Variants in GSX1 observed in about 807,000 individuals in gnomAD.
GSX1 encodes the protein GS homeo box protein 1.
Under a neutral mutation model 17.7 loss-of-function variants are expected in GSX1, and 13 were observed. The observed-to-expected ratio is 0.74, with a 90% confidence interval of 0.48 to 1.17. The LOEUF (loss-of-function observed/expected upper bound fraction) is 1.17. GSX1 is among the 50% of genes most tolerant of loss of function. The pLI is 0.00. For missense variants in GSX1, 371 were observed against 372.1 expected (o/e 1.00, Z 0.02); for synonymous variants, 202 against 176.2 (o/e 1.15, Z -1.16).
In GSX1 at chr13:27,792,606, G is replaced by C; in HGVS notation, c.-85G>C. The C allele has an allele frequency of 8.6e-7, 1 of 1,168,980 alleles. No homozygotes were observed. The highest frequency in any genetic ancestry group is 1.1e-6 in the Non-Finnish European group (1 of 902,228). The allele number at this position is 1,168,980 out of a possible 1,614,324, so 72.4% of individuals were successfully genotyped here. A position where few individuals can be genotyped will look rare whatever the true frequency, so the allele number is the denominator to read the frequency against. ...TGGGCAGAGGCAGCTGCGGGATACC[G>C]CGGCCAGGGAAAGCGCGTGGAGAGC... On this transcript the variant is annotated 5_prime_UTR_variant, in exon 1 of 2. Coordinates refer to ENST00000302945, the MANE Select transcript of GSX1 (RefSeq NM_145657.3).
At position 27,792,870 on chromosome 13, in the gene GSX1, C is replaced by G; in HGVS notation, c.180C>G (p.Leu60=). ...RKAGLLCVCP[L]CVTASQLHGP... ...CTGGGCTGCTGTGCGTGTGCCCGCT[C>G]TGCGTCACCGCCTCGCAGCTGCATG... Residue 60 remains leucine, a synonymous_variant, in exon 1 of 2, where the codon CTC becomes CTG. Coordinates refer to ENST00000302945, the MANE Select transcript of GSX1 (RefSeq NM_145657.3). 1 of 1,521,960 alleles carries G rather than the reference C, an allele frequency of 6.6e-7. No homozygotes were observed. The allele number at this position is 1,521,960 out of a possible 1,614,324, so 94.3% of individuals were successfully genotyped here. A position where few individuals can be genotyped will look rare whatever the true frequency, so the allele number is the denominator to read the frequency against.
Position 27,794,299 on chromosome 13 carries a change from C to T in GSX1, c.*351C>T. ...TCCTAGCCCGCCCTCTCTGGGCTGG[C>T]TTGGGCTTCCTCGCTTACTCTACTC... On this transcript the variant is annotated 3_prime_UTR_variant, in exon 2 of 2. Coordinates refer to ENST00000302945, the MANE Select transcript of GSX1 (RefSeq NM_145657.3). The T allele has an allele frequency of 4.4e-6, 1 of 227,726 alleles. No individual in the cohort carries two copies. Among genetic ancestry groups the T allele is most frequent in the Non-Finnish European group, 8.5e-6 (1 of 117,728 alleles). The allele number at this position is 227,726 out of a possible 1,614,324, so 14.1% of individuals were successfully genotyped here.
At position 27,793,808 on chromosome 13, in the gene GSX1, G is replaced by A. The variant is rs1489704566; in HGVS notation, c.655G>A (p.Ala219Thr). The A allele has an allele frequency of 1.2e-6, 2 of 1,613,592 alleles. No homozygotes were observed. Among genetic ancestry groups the A allele is most frequent in the Non-Finnish European group, 1.7e-6 (2 of 1,179,760 alleles). ...SNHRGGGGGG[A>T]GGGGSAPQGC... The stretch of plus-strand genomic sequence containing the variant: ...CCATCGTGGCGGCGGCGGCGGGGGT[G>A]CCGGTGGTGGCGGGAGCGCACCGCA... The change falls in exon 2 of 2, where the codon GCC becomes ACC. Residue 219 changes from alanine (A) to threonine (T), a missense_variant. By Grantham distance (58) the Ala-to-Thr change is moderately conservative. Around this residue, in one of 3 missense-constraint regions of GSX1, gnomAD observed 92 missense variants for 70.0 expected, o/e 1.31. Coordinates refer to ENST00000302945, the MANE Select transcript of GSX1 (RefSeq NM_145657.3). This position sits in a 1 kb window ranked among gnomAD's most constrained non-coding sequence, Gnocchi z 6.2.
Position 27,792,581 on chromosome 13 carries a change from TG to T in GSX1, c.-107del. ...GGTCTCAGCCGCGCGTTCAGCCTCC[TG>T]GGCAGAGGCAGCTGCGGGATACCGC... On this transcript the variant is annotated 5_prime_UTR_variant, in exon 1 of 2. Coordinates refer to ENST00000302945, the MANE Select transcript of GSX1 (RefSeq NM_145657.3). 1.0e-6 allele frequency: 1 copy of T among 956,892 alleles called. No individual in the cohort carries two copies. The highest frequency in any genetic ancestry group is 1.4e-6 in the Non-Finnish European group (1 of 708,222). 59.3% of individuals were successfully genotyped at this position (956,892 alleles called of 1,614,324 possible).
In GSX1 at chr13:27,792,739, G is replaced by A. The variant is rs915206138; in HGVS notation, c.49G>A (p.Glu17Lys). The A allele has an allele frequency of 6.1e-6, 9 of 1,481,490 alleles. No homozygotes were observed. In the Admixed American group the frequency reaches 1.6e-4, roughly 27 times the overall value. The allele number at this position is 1,481,490 out of a possible 1,614,324, so 91.8% of individuals were successfully genotyped here. Residue 17 changes from glutamate to lysine, a missense_variant, in exon 1 of 2, where the codon GAG becomes AAG. Physicochemically the swap from Glu to Lys is moderately conservative, Grantham distance 56 (BLOSUM62 1). Coordinates refer to ENST00000302945, the MANE Select transcript of GSX1 (RefSeq NM_145657.3). ...VDSLVLREAG[E>K]KKAPEGSPPP... ...CTCGCTAGTGCTGCGCGAGGCGGGC[G>A]AGAAGAAGGCGCCCGAGGGCAGCCC...
rs750711438 is a variant in GSX1 at position 27,792,954 on chromosome 13, G to A, written c.264G>A (p.Ser88=). 1.5e-5 allele frequency: 23 copies of A among 1,540,352 alleles called. No homozygotes were observed. The South Asian group carries it at 2.4e-4, about 16-fold the overall frequency. ...LLKASFPPFG[S]QYCHAPLGRQ... ...AGGCTTCCTTCCCACCCTTCGGCTC[G>A]CAGTACTGCCACGCGCCCCTGGGCC... The change falls in exon 1 of 2, where the codon TCG becomes TCA. Residue 88 remains serine, a synonymous_variant. Coordinates refer to ENST00000302945, the MANE Select transcript of GSX1 (RefSeq NM_145657.3).
At position 27,793,557 on chromosome 13, in the gene GSX1, C is replaced by G. The variant is rs1315180701; in HGVS notation, c.413-9C>G. On this transcript the variant is annotated splice_polypyrimidine_tract_variant and intron_variant, in intron 1 of 1. Coordinates refer to ENST00000302945, the MANE Select transcript of GSX1 (RefSeq NM_145657.3). This position sits in a 1 kb window ranked among gnomAD's most constrained non-coding sequence, Gnocchi z 6.2. ...CTGATCGCTTCCTTCTCTGCTCTGC[C>G]ACCTCCAGACAGCAGCTCTAACCAG... 6.2e-7 allele frequency: 1 copy of G among 1,604,218 alleles called. No individual in the cohort carries two copies. The highest frequency in any genetic ancestry group is 8.5e-7 in the Non-Finnish European group (1 of 1,176,050).
At position 27,793,805 on chromosome 13, in the gene GSX1, G is replaced by A. The variant is rs1287780745; in HGVS notation, c.652G>A (p.Gly218Ser). The change falls in exon 2 of 2, where the codon GGT (glycine) becomes AGT (serine). Residue 218 changes from glycine (G) to serine (S), a missense_variant. By Grantham distance (56) the Gly-to-Ser change is moderately conservative. Coordinates refer to ENST00000302945, the MANE Select transcript of GSX1 (RefSeq NM_145657.3). This position sits in a 1 kb window ranked among gnomAD's most constrained non-coding sequence, Gnocchi z 6.2. ...GSNHRGGGGG[G>S]AGGGGSAPQG... is the part of the protein sequence containing the mutation. ...CAACCATCGTGGCGGCGGCGGCGGG[G>A]GTGCCGGTGGTGGCGGGAGCGCACC... 9.9e-6 allele frequency: 16 copies of A among 1,613,534 alleles called. No homozygotes were observed. Among genetic ancestry groups the A allele is most frequent in the Non-Finnish European group, 1.4e-5 (16 of 1,179,784 alleles).
Position 27,792,759 on chromosome 13 carries a change from C to T in GSX1, c.69C>T (p.Gly23=). Residue 23 remains glycine, a synonymous_variant, in exon 1 of 2, where the codon GGC becomes GGT. Coordinates refer to ENST00000302945, the MANE Select transcript of GSX1 (RefSeq NM_145657.3). ...REAGEKKAPE[G]SPPPLFPYAV... ...CGGGCGAGAAGAAGGCGCCCGAGGG[C>T]AGCCCGCCGCCGCTCTTCCCCTACG... 1 of 1,486,316 alleles carries T rather than the reference C, an allele frequency of 6.7e-7. No individual in the cohort carries two copies. The allele number at this position is 1,486,316 out of a possible 1,614,324, so 92.1% of individuals were successfully genotyped here.
chr13:27,793,008 C>G lies in GSX1; in HGVS notation c.318C>G (p.Val106=). 1 of 1,573,954 alleles carries G rather than the reference C, an allele frequency of 6.4e-7. No homozygotes were observed. ...AGCACTCTGCTGTGTCGCCCGGGGT[C>G]GCTCACGGCCCGGCCGCCGCTGCTG... ...GRQHSAVSPG[V]AHGPAAAAAA... The change falls in exon 1 of 2, where the codon GTC becomes GTG. Residue 106 remains valine, a synonymous_variant. Coordinates refer to ENST00000302945, the MANE Select transcript of GSX1 (RefSeq NM_145657.3). This position sits in a 1 kb window ranked among gnomAD's most constrained non-coding sequence, Gnocchi z 6.2.
rs1462767030 is a variant in GSX1, at chr13:27,792,948, C to G, written c.258C>G (p.Phe86Leu). 6.5e-7 allele frequency: 1 copy of G among 1,538,300 alleles called. No individual in the cohort carries two copies. The highest frequency in any genetic ancestry group is 8.7e-7 in the Non-Finnish European group (1 of 1,147,382). ...TACTCAAGGCTTCCTTCCCACCCTT[C>G]GGCTCGCAGTACTGCCACGCGCCCC... ...LPLLKASFPPFGSQYCHAPLG... is the reference protein window; with the variant it reads ...LPLLKASFPPLGSQYCHAPLG... The change falls in exon 1 of 2, where the codon TTC becomes TTG. Residue 86 changes from phenylalanine to leucine, a missense_variant. This residue lies in a region of GSX1 where 212 missense variants were observed against 193.9 expected (regional missense o/e 1.09). Transcript: ENST00000302945.
rs1011681545 is a variant in GSX1 at position 27,794,112 on chromosome 13, G to T, written c.*164G>T. The T allele has an allele frequency of 4.6e-5, 35 of 759,850 alleles. No individual in the cohort carries two copies. The highest frequency in any genetic ancestry group is 8.8e-5 in the African/African-American group (5 of 56,720). The allele number at this position is 759,850 out of a possible 1,614,324, so 47.1% of individuals were successfully genotyped here. ...GGGCCTGGGCAGGGCTGAGAGCTTG[G>T]CAGAGACTGGACCATGGCGTCCCCG... is the stretch of plus-strand genomic sequence containing the variant. On this transcript the variant is annotated 3_prime_UTR_variant, in exon 2 of 2. Coordinates refer to ENST00000302945, the MANE Select transcript of GSX1 (RefSeq NM_145657.3).
Position 27,792,508 on chromosome 13 carries a change from C to A in GSX1, c.-183C>A. The A allele has an allele frequency of 1.9e-6, 1 of 531,754 alleles. No homozygotes were observed. The highest frequency in any genetic ancestry group is 3.0e-6 in the Non-Finnish European group (1 of 329,992). 32.9% of individuals were successfully genotyped at this position (531,754 alleles called of 1,614,324 possible). ...ACCACTAGCGCTGGCCAGCACCCCG[C>A]GCTCTTTGGGCGGTGCCCACGGCAG... On this transcript the variant is annotated 5_prime_UTR_variant, in exon 1 of 2. Coordinates refer to ENST00000302945, the MANE Select transcript of GSX1 (RefSeq NM_145657.3).
Position 27,794,312 on chromosome 13 carries a change from G to C in GSX1, c.*364G>C, listed in dbSNP as rs149553834. Reference sequence around the variant, plus strand: ...TCTCTGGGCTGGCTTGGGCTTCCTCGCTTACTCTACTCTCCTCCGCTCTCG... The same window carrying C: ...TCTCTGGGCTGGCTTGGGCTTCCTCCCTTACTCTACTCTCCTCCGCTCTCG... On this transcript the variant is annotated 3_prime_UTR_variant, in exon 2 of 2. Coordinates refer to ENST00000302945, the MANE Select transcript of GSX1 (RefSeq NM_145657.3). 1.9e-3 allele frequency: 414 copies of C among 215,120 alleles called. No individual in the cohort carries two copies. The highest frequency in any genetic ancestry group is 8.2e-3 in the African/African-American group (359 of 43,854). The allele number at this position is 215,120 out of a possible 1,614,324, so 13.3% of individuals were successfully genotyped here.
Position 27,793,798 on chromosome 13 carries a change from C to CGGCGGGGGTGCCGGTGGT in GSX1, c.652_669dup (p.Gly218_Gly223dup). ...AGGGCAGCAACCATCGTGGCGGCGG[C>CGGCGGGGGTGCCGGTGGT]GGCGGGGGTGCCGGTGGTGGCGGGA... On this transcript the variant is annotated inframe_insertion, in exon 2 of 2. Coordinates refer to ENST00000302945, the MANE Select transcript of GSX1 (RefSeq NM_145657.3). This position sits in a 1 kb window ranked among gnomAD's most constrained non-coding sequence, Gnocchi z 6.2. The CGGCGGGGGTGCCGGTGGT allele has an allele frequency of 1.2e-6, 2 of 1,613,758 alleles. No individual in the cohort carries two copies. Among genetic ancestry groups the CGGCGGGGGTGCCGGTGGT allele is most frequent in the Non-Finnish European group, 1.7e-6 (2 of 1,179,822 alleles).
Position 27,793,715 on chromosome 13 carries a change from G to A in GSX1, c.562G>A (p.Glu188Lys). ...GATCGCGACCTACCTGAATCTGTCCGAGAAGCAGGTGAAGATCTGGTTTCA... is the reference window on the plus strand; with the variant it reads ...GATCGCGACCTACCTGAATCTGTCCAAGAAGCAGGTGAAGATCTGGTTTCA... ...IEIATYLNLS[E>K]KQVKIWFQNR... is the part of the protein sequence containing the mutation. Residue 188 changes from glutamate to lysine, a missense_variant, in exon 2 of 2, where the codon GAG (glutamate) becomes AAG (lysine). Physicochemically the swap from Glu to Lys is moderately conservative, Grantham distance 56. This residue lies in a region of GSX1 where 67 missense variants were observed against 108.1 expected (regional missense o/e 0.62). Transcript: ENST00000302945. The surrounding 1 kb of genome is among the most constrained non-coding windows in gnomAD (Gnocchi z 6.2). 3 of 1,614,208 alleles carry A rather than the reference G, an allele frequency of 1.9e-6. No homozygotes were observed. Among genetic ancestry groups the A allele is most frequent in the African/African-American group, 2.7e-5 (2 of 75,044 alleles).
Position 27,793,571 on chromosome 13 carries a change from A to T in GSX1, c.418A>T (p.Ser140Cys). ...CTCTGCTCTGCCACCTCCAGACAGC[A>T]GCTCTAACCAGCTGCCCAGCAGCAA... is the stretch of plus-strand genomic sequence containing the variant. ...RQFHCISVDS[S>C]SNQLPSSKRM... Residue 140 changes from serine to cysteine, a missense_variant, in exon 2 of 2, where the codon AGC becomes TGC. Physicochemically the swap from Ser to Cys is moderately radical, Grantham distance 112 (BLOSUM62 -1). Around this residue, in one of 3 missense-constraint regions of GSX1, gnomAD observed 67 missense variants for 108.1 expected, o/e 0.62. Transcript: ENST00000302945. The surrounding 1 kb of genome is among the most constrained non-coding windows in gnomAD (Gnocchi z 6.2). 1 of 1,610,564 alleles carries T rather than the reference A, an allele frequency of 6.2e-7. No individual in the cohort carries two copies. Among genetic ancestry groups the T allele is most frequent in the East Asian group, 2.2e-5 (1 of 44,880 alleles).
Position 27,794,167 on chromosome 13 carries a change from C to G in GSX1, c.*219C>G, listed in dbSNP as rs1957085975. 8 of 563,498 alleles carry G rather than the reference C, an allele frequency of 1.4e-5. No homozygotes were observed. The highest frequency in any genetic ancestry group is 2.1e-5 in the Non-Finnish European group (7 of 326,520). The allele number at this position is 563,498 out of a possible 1,614,324, so 34.9% of individuals were successfully genotyped here. A position where few individuals can be genotyped will look rare whatever the true frequency, so the allele number is the denominator to read the frequency against. On this transcript the variant is annotated 3_prime_UTR_variant, in exon 2 of 2. Transcript: ENST00000302945. ...AGGGCTCGCTCGTGTCCAAAGCCAA[C>G]TCCAAGCTGTGAACACTGTAAGCGC...
rs1397871290 is a variant in GSX1 at position 27,793,538 on chromosome 13, G to T, written c.413-28G>T. On this transcript the variant is annotated intron_variant, in intron 1 of 1. Coordinates refer to ENST00000302945, the MANE Select transcript of GSX1 (RefSeq NM_145657.3). The surrounding 1 kb of genome is among the most constrained non-coding windows in gnomAD (Gnocchi z 6.2). ...GGGTCCACAGCACAGAGGTCTGATC[G>T]CTTCCTTCTCTGCTCTGCCACCTCC... 7 of 1,587,784 alleles carry T rather than the reference G, an allele frequency of 4.4e-6. No homozygotes were observed. Among genetic ancestry groups the T allele is most frequent in the African/African-American group, 2.7e-5 (2 of 74,662 alleles).
Sources: allele counts gnomAD v4.1 joint callset, GRCh38; gene constraint gnomAD v4.1.1; regional missense constraint gnomAD v4.1.1; non-coding constraint Gnocchi (gnomAD v3.1); transcripts MANE v1.5; gene names NCBI Gene and HGNC (gene_info 2026-07-23, HGNC 2026-07-21).